The following STS variants were observed in gnomAD, a reference collection of about 807,000 sequenced individuals.
STS encodes the protein steryl-sulfatase.
In STS, 7 loss-of-function variants were observed where a neutral mutation model predicts 26.8. The observed-to-expected ratio is 0.26, with a 90% CI of 0.15 to 0.49. The LOEUF is 0.49. Among genes scored for constraint, STS ranks in the 20% least tolerant of loss-of-function variants. The probability of loss-of-function intolerance (pLI) is 0.98; values close to 1 mark genes in which losing one functional copy is unlikely to be tolerated. For missense variants in STS, 434 were observed against 465.6 expected, an observed-to-expected ratio of 0.93 and a Z score of 0.63; for synonymous variants, 199 against 189.4, an observed-to-expected ratio of 1.05 and a Z score of -0.42.
chrX:7,197,089 AC>A (rs1933983881), intron 2 of STS, among the ~76,000 whole-genome samples: 1 of 110,276 alleles, frequency 9.1e-6, no homozygotes, highest in Non-Finnish European at 1.9e-5. Context: ...CTGTCCTACT[AC>A]CCAGGCTGTC....
chrX:7,293,191 C>T (rs1925500463), intron 7 of STS, among the ~76,000 whole-genome samples: 1 of 112,023 alleles, frequency 8.9e-6, no homozygotes, highest in East Asian at 2.8e-4. Flanking sequence ...CTTGGGCAGC[C>T]TCCTGGAGTG....
chrX:7,349,848 G>A (rs777284965), intron 10 of STS, 40 bp from the exon 11 acceptor site: 1 of 1,210,662 alleles, frequency 8.3e-7, no homozygotes, highest in South Asian at 1.8e-5. Flanking sequence ...ATACAAGGAT[G>A]CTTCATACCT....
chrX:7,169,784 C>G (rs1211383227), intron 1 of STS, among the ~76,000 whole-genome samples: 4 of 110,262 alleles, frequency 3.6e-5, no homozygotes, highest in South Asian at 3.9e-4. Flanking sequence ...ATCAGCATTT[C>G]TGAGACTCGT....
chrX:7,244,232 A>C lies in STS; in HGVS notation c.-4-8964A>C, dbSNP rs1276275855. On this transcript the variant is annotated intron_variant, in intron 2 of 10. Coordinates refer to ENST00000674429, the MANE Select transcript of STS (RefSeq NM_001320752.2). ...ATTTGCCACATGGACAAATGACAAAATAAGCAACTTAGAAGGCATGAGAAG... is the reference window on the plus strand; with the variant it reads ...ATTTGCCACATGGACAAATGACAAACTAAGCAACTTAGAAGGCATGAGAAG... Among the ~76,000 whole-genome samples the C allele has an allele frequency of 2.7e-5, 3 of 112,242 alleles. No homozygotes were observed. In the East Asian group the frequency reaches 8.4e-4, roughly 32 times the overall value.
At chrX:7,251,380 A>T (rs765161513) in intron 2 of STS, among the ~76,000 whole-genome samples, 2 of 111,425 alleles carry the variant, frequency 1.8e-5, no homozygotes, top group Non-Finnish European at 3.8e-5. Flanking sequence ...CAGGGAAGAG[A>T]CTCTGCCACA....
At chrX:7,206,960 A>G (rs1369249712) in intron 2 of STS, among the ~76,000 whole-genome samples, 1 of 112,414 alleles carries the variant, frequency 8.9e-6, no homozygotes, top group Non-Finnish European at 1.9e-5. Context: ...CTACAATTCC[A>G]GCACTTTGGG....
At chrX:7,251,173 C>T (rs1003968653) in intron 2 of STS, among the ~76,000 whole-genome samples, 1 of 111,850 alleles carries the variant, frequency 8.9e-6, no homozygotes, top group Non-Finnish European at 1.9e-5. Flanking sequence ...AAACCCAGGC[C>T]ATTTCCCATC....
intron 9 of STS, among the ~76,000 whole-genome samples, chrX:7,328,003 C>T (rs1178031233): frequency 8.9e-6 from 1 of 111,773 alleles, no homozygotes; most frequent in Non-Finnish European, 1.9e-5. Flanking sequence ...CTACTCCAGT[C>T]AAACTATTCT....
At chrX:7,254,412 T>C (rs1923297209) in intron 3 of STS, among the ~76,000 whole-genome samples, 1 of 110,720 alleles carries the variant, frequency 9.0e-6, no homozygotes, top group African/African-American at 3.3e-5. Context: ...ATACTGACAT[T>C]AAAATTTCAC....
chrX:7,311,002 G>A (rs1926449538), intron 8 of STS, among the ~76,000 whole-genome samples: 1 of 111,928 alleles, frequency 8.9e-6, no homozygotes, highest in Non-Finnish European at 1.9e-5. Context: ...CCCCGTGACT[G>A]AACCTCAGTG....
intron 8 of STS, among the ~76,000 whole-genome samples, chrX:7,324,028 C>T (rs148903744): frequency 7.2e-5 from 8 of 111,723 alleles, no homozygotes. Context: ...TTGACACAGC[C>T]CCGGGAGATC....
rs1325677049 is a variant in STS, at chrX:7,350,007, C to T, written c.1483C>T (p.Pro495Ser). 1 of 1,211,889 alleles carries T rather than the reference C, an allele frequency of 8.3e-7. No individual in the cohort carries two copies. The highest frequency in any genetic ancestry group is 1.8e-5 in the South Asian group (1 of 56,983). Residue 495 changes from proline to serine, a missense_variant, in exon 11 of 11, where the codon CCT becomes TCT. Around this residue, in one of 2 missense-constraint regions of STS, gnomAD observed 205 missense variants for 177.3 expected, o/e 1.16. Transcript: ENST00000674429. ...FGSYVTHHDP[P>S]LLFDISKDPR... is the part of the protein sequence containing the mutation. ...GAGTTATGTCACCCATCACGACCCA[C>T]CTTTACTCTTTGATATTTCCAAAGA...
chrX:7,340,856 C>T (rs1186910492), intron 10 of STS, among the ~76,000 whole-genome samples: 2 of 111,236 alleles, frequency 1.8e-5, no homozygotes, highest in African/African-American at 3.3e-5. Context: ...CATACAATGG[C>T]GGGACGGATG....
intron 1 of STS, among the ~76,000 whole-genome samples, chrX:7,176,126 G>C (rs112627577): frequency 6.3e-5 from 7 of 111,161 alleles, no homozygotes; most frequent in African/African-American, 2.3e-4. Flanking sequence ...GTTTTGTATT[G>C]GCACTTTGGA....
At chrX:7,324,440 A>G (rs1451915960) in intron 8 of STS, among the ~76,000 whole-genome samples, 3 of 111,854 alleles carry the variant, frequency 2.7e-5, no homozygotes, top group African/African-American at 9.8e-5. Context: ...GAAGACCCCA[A>G]AAGAGAAGGA....
rs182992367 is a variant in STS at position 7,227,961 on chromosome X, A to G, written c.-4-25235A>G. 3.6e-5 allele frequency among the ~76,000 whole-genome samples: 4 copies of G among 112,147 alleles called. 1 individual carries two copies. In the East Asian group the frequency reaches 1.1e-3, roughly 31 times the overall value. On this transcript the variant is annotated intron_variant, in intron 2 of 10. Coordinates refer to ENST00000674429, the MANE Select transcript of STS (RefSeq NM_001320752.2). The stretch of plus-strand genomic sequence containing the variant: ...TTAGATACCTCCTGTAAGTGGAATC[A>G]TACAGAATTTGTCTTTCTGTACCTG...
chrX:7,297,864 A>C (rs775535764), intron 7 of STS, among the ~76,000 whole-genome samples: 1 of 111,630 alleles, frequency 9.0e-6, no homozygotes, highest in Non-Finnish European at 1.9e-5. Flanking sequence ...CTTGTTATTC[A>C]GGAAGTAGAT....
intron 7 of STS, among the ~76,000 whole-genome samples, chrX:7,293,384 C>T (rs1337166735): frequency 8.9e-6 from 1 of 111,846 alleles, no homozygotes; most frequent in African/African-American, 3.2e-5. Context: ...CTCTTCATTG[C>T]CTCTCCTCGA....
chrX:7,325,452 T>C lies in STS; in HGVS notation c.1195T>C (p.Phe399Leu), dbSNP rs1267481278. Residue 399 changes from phenylalanine to leucine, a missense_variant, in exon 9 of 11, where the codon TTT (phenylalanine) becomes CTT (leucine). By Grantham distance (22) the Phe-to-Leu change is conservative. Transcript: ENST00000674429. ...IDEPTSNMDI[F>L]PTVAKLAGAP... The stretch of plus-strand genomic sequence containing the variant: ...TGAGCCCACTAGCAACATGGACATA[T>C]TTCCTACAGTAGCCAAGCTGGCTGG... 14 of 1,209,533 alleles carry C rather than the reference T, an allele frequency of 1.2e-5. No individual in the cohort carries two copies. Among genetic ancestry groups the C allele is most frequent in the Non-Finnish European group, 1.5e-5 (13 of 895,097 alleles).
Sources: gnomAD v4.1 joint callset for allele counts (sites outside exome capture counted in the v4.1 genomes callset) on GRCh38, gnomAD v4.1.1 for gene constraint, gnomAD v4.1.1 regional missense constraint, MANE v1.5 for transcripts, NCBI Gene and HGNC (gene_info 2026-07-23, HGNC 2026-07-21) for gene names.